SYTL3: variants seen among roughly 807,000 people sequenced by gnomAD.
SYTL3 encodes synaptotagmin-like protein 3.
A neutral mutation model predicts 82.1 loss-of-function variants in SYTL3; 88 were observed. That is an observed-to-expected ratio of 1.07 (90% CI 0.90 to 1.28). The LOEUF is 1.28. Among genes scored for constraint, SYTL3 ranks in the 50% most tolerant of loss-of-function variants. SYTL3 has a pLI of 0.00. For synonymous variants in SYTL3, 311 were observed against 289.4 expected (o/e 1.07, Z -0.76); for missense variants, 831 against 757.6 (o/e 1.10, Z -1.14).
At chr6:158,677,548 A>G (rs547239033) in intron 5 of SYTL3, among the ~76,000 whole-genome samples, 1 of 152,000 alleles carries the variant, frequency 6.6e-6, no homozygotes, top group African/African-American at 2.4e-5. Flanking sequence ...CTTATAATAA[A>G]AAAAAAATGA....
chr6:158,737,305 G>A (rs968541570), intron 11 of SYTL3, among the ~76,000 whole-genome samples: 3 of 152,216 alleles, frequency 2.0e-5, no homozygotes, highest in Non-Finnish European at 4.4e-5. Context: ...GCCAGGCACT[G>A]GAAGGCTGCT....
intron 5 of SYTL3, among the ~76,000 whole-genome samples, chr6:158,679,941 C>T (rs1355206733): frequency 1.3e-5 from 2 of 152,144 alleles, no homozygotes; most frequent in East Asian, 3.8e-4. Context: ...ACTGTAGCGT[C>T]TCAGATATGG....
At chr6:158,708,750 G>A (rs1782412559) in intron 8 of SYTL3, among the ~76,000 whole-genome samples, 1 of 152,162 alleles carries the variant, frequency 6.6e-6, no homozygotes, top group East Asian at 1.9e-4. Context: ...GTGTGTGAGT[G>A]GGAGTGTCTC....
At chr6:158,704,151 A>G (rs1433860309) in intron 6 of SYTL3, among the ~76,000 whole-genome samples, 1 of 36,042 alleles carries the variant, frequency 2.8e-5, no homozygotes, top group East Asian at 3.4e-4. Context: ...TAAATGGTTA[A>G]AAAAAAAAAC....
intron 2 of SYTL3, among the ~76,000 whole-genome samples, chr6:158,660,484 G>A (rs1344413809): frequency 6.6e-6 from 1 of 152,192 alleles, no homozygotes; most frequent in Non-Finnish European, 1.5e-5. Context: ...GCCCACAGGC[G>A]GGGGTTTGGG....
chr6:158,757,492 C>A, intron 14 of SYTL3, 111 bp downstream of exon 14: 1 of 1,215,182 alleles, frequency 8.2e-7, no homozygotes, highest in Non-Finnish European at 1.2e-6. Context: ...GGACCCAAGA[C>A]TGTGTGTTCG....
In SYTL3 at chr6:158,671,747, A is replaced by AG. The variant is rs1562358059; in HGVS notation, c.329+6134_329+6135insG. On this transcript the variant is annotated intron_variant, in intron 5 of 17. Coordinates refer to ENST00000611299, the MANE Select transcript of SYTL3 (RefSeq NM_001242394.2). Reference sequence around the variant, plus strand: ...CGAGACTCAGTCTAAAAAAAAAAAAAAAGATAATTATTTAAATTATTTAGC... The same window carrying AG: ...CGAGACTCAGTCTAAAAAAAAAAAAAGAAGATAATTATTTAAATTATTTAGC... 1.3e-4 allele frequency among the ~76,000 whole-genome samples: 19 copies of AG among 149,142 alleles called. 1 individual carries two copies. The highest frequency in any genetic ancestry group is 2.7e-4 in the Admixed American group (4 of 14,992).
chr6:158,684,475 A>C (rs1464608069), intron 6 of SYTL3, among the ~76,000 whole-genome samples: 194 of 151,926 alleles, frequency 1.3e-3, no homozygotes, highest in African/African-American at 4.6e-3. Context: ...ATCAGGACAA[A>C]GGCGCACACA....
chr6:158,701,886 A>G (rs1185453646), intron 6 of SYTL3, among the ~76,000 whole-genome samples: 3 of 151,830 alleles, frequency 2.0e-5, no homozygotes, highest in East Asian at 3.9e-4. Context: ...GGTCTCAGCA[A>G]TTACCCCAGT....
chr6:158,731,220 G>C (rs13199880), intron 11 of SYTL3, among the ~76,000 whole-genome samples: 14 of 150,382 alleles, frequency 9.3e-5, no homozygotes, highest in South Asian at 4.2e-4. Flanking sequence ...GGAGGCGGAG[G>C]TTGCAGTGAG....
intron 3 of SYTL3, among the ~76,000 whole-genome samples, chr6:158,661,907 A>G (rs1029654594): frequency 6.6e-6 from 1 of 152,338 alleles, no homozygotes; most frequent in African/African-American, 2.4e-5. Flanking sequence ...CACATATATT[A>G]CTATATTACA....
Position 158,739,994 on chromosome 6 carries a change from C to CTTTTT in SYTL3, c.856-5470_856-5466dup, listed in dbSNP as rs35026438. Among the ~76,000 whole-genome samples, 710 of 105,506 alleles carry CTTTTT rather than the reference C, an allele frequency of 6.7e-3. 22 individuals are homozygous for CTTTTT. Among genetic ancestry groups the CTTTTT allele is most frequent in the Middle Eastern group, 0.012 (2 of 170 alleles). The allele number at this position is 105,506 out of a possible 152,430, so 69.2% of individuals were successfully genotyped here. A position where few individuals can be genotyped will look rare whatever the true frequency, so the allele number is the denominator to read the frequency against. On this transcript the variant is annotated intron_variant, in intron 11 of 17. Transcript: ENST00000611299. ...GTTGCCTTACTTTTTAGGCAACTTA[C>CTTTTT]TTTTTTTTTTTTTTTTTTTTGAGTT...
chr6:158,655,671 T>C (rs146579982), intron 2 of SYTL3, among the ~76,000 whole-genome samples: 165 of 152,358 alleles, frequency 1.1e-3, no homozygotes, highest in African/African-American at 3.9e-3. Context: ...AGTGTACTTA[T>C]GAGCTGAGCA....
chr6:158,690,184 G>A (rs1489614183), intron 6 of SYTL3, among the ~76,000 whole-genome samples: 1 of 152,230 alleles, frequency 6.6e-6, no homozygotes, highest in Non-Finnish European at 1.5e-5. Flanking sequence ...TGGCAATTTG[G>A]CCCTAGCCAG....
At chr6:158,718,355 A>T in intron 10 of SYTL3, 144 bp downstream of exon 10, 1 of 1,037,030 alleles carries the variant, frequency 9.6e-7, no homozygotes, top group Non-Finnish European at 1.3e-6. Context: ...ATTACCAGTC[A>T]GTGCCTCTAT....
At chr6:158,743,137 G>A (rs982599801) in intron 11 of SYTL3, among the ~76,000 whole-genome samples, 6 of 152,152 alleles carry the variant, frequency 3.9e-5, no homozygotes, top group African/African-American at 1.4e-4. Context: ...TGGCCGTCCA[G>A]CCCTTGGACG....
intron 7 of SYTL3, 84 bp from the exon 8 acceptor site, chr6:158,708,238 A>G (rs1782333749): frequency 8.2e-7 from 1 of 1,218,920 alleles, no homozygotes; most frequent in Admixed American, 1.7e-5. Flanking sequence ...GAATTATAGA[A>G]TAATGGCACA....
Position 158,762,194 on chromosome 6 carries a change from A to AC in SYTL3, c.1517+16_1517+17insC. ...TTGTTAAGGGGTAGGTATTCGATGT[A>AC]ATCAAATATTTATTGGTGATCTAGT... On this transcript the variant is annotated intron_variant, in intron 16 of 17. Coordinates refer to ENST00000611299, the MANE Select transcript of SYTL3 (RefSeq NM_001242394.2). 6.4e-7 allele frequency: 1 copy of AC among 1,565,530 alleles called. No individual in the cohort carries two copies. The highest frequency in any genetic ancestry group is 8.8e-7 in the Non-Finnish European group (1 of 1,136,554).
chr6:158,663,080 T>A lies in SYTL3; in HGVS notation c.-189T>A, dbSNP rs1438965652. 2 of 535,300 alleles carry A rather than the reference T, an allele frequency of 3.7e-6. No homozygotes were observed. Among genetic ancestry groups the A allele is most frequent in the African/African-American group, 3.9e-5 (2 of 51,940 alleles). 33.2% of individuals were successfully genotyped at this position (535,300 alleles called of 1,614,324 possible). On this transcript the variant is annotated 5_prime_UTR_variant, in exon 4 of 18. Transcript: ENST00000611299. ...CGCAGAACTTCTTGAGGCTTTCTTC[T>A]TCTAAGGAGTATGACACAGTTAAAA...
Sources: allele counts gnomAD v4.1 joint callset (sites outside exome capture counted in the v4.1 genomes callset), GRCh38; gene constraint gnomAD v4.1.1; transcripts MANE v1.5; gene names NCBI Gene and HGNC (gene_info 2026-07-23, HGNC 2026-07-21).